Variants in PDLIM7 observed in about 807,000 individuals in gnomAD.
PDLIM7 encodes the protein PDZ and LIM domain 7.
Under a neutral mutation model 53.9 loss-of-function variants are expected in PDLIM7, and 37 were observed. That is an observed-to-expected ratio of 0.69 (90% CI 0.53 to 0.90). PDLIM7 has a LOEUF of 0.90. Among genes scored for constraint, PDLIM7 ranks in the 40% least tolerant of loss-of-function variants. The pLI, the probability that PDLIM7 is intolerant of heterozygous loss-of-function variation, is 0.00. For missense variants in PDLIM7, 617 were observed against 638.5 expected (o/e 0.97, Z 0.36); for synonymous variants, 300 against 261.3 (o/e 1.15, Z -1.43).
At chr5:177,484,220 C>T in intron 10 of PDLIM7, 30 bp from the exon 11 acceptor site, 1 of 1,608,980 alleles carries the variant, frequency 6.2e-7, no homozygotes, top group Non-Finnish European at 8.5e-7. Flanking sequence ...ACTCGGCAGG[C>T]TCAGGCCCCT....
chr5:177,489,719 T>A (rs1758648339), intron 8 of PDLIM7, 52 bp downstream of exon 8: 1 of 1,485,878 alleles, frequency 6.7e-7, no homozygotes, highest in African/African-American at 1.4e-5. Context: ...ACCACCCCCA[T>A]GCCCCTGGAG....
rs1758881524 is a variant in PDLIM7 at position 177,492,931 on chromosome 5, C to G, written c.97-254G>C. 7.8e-6 allele frequency: 4 copies of G among 511,922 alleles called. No homozygotes were observed. The East Asian group carries it at 1.3e-4, about 16-fold the overall frequency. The allele number at this position is 511,922 out of a possible 1,614,324, so 31.7% of individuals were successfully genotyped here. ...ACCCTCTCCCTCAGGTGGTGCTCAC[C>G]TGAGCTTCCCCAGTCACGATGCTTA... On this transcript the variant is annotated intron_variant, in intron 2 of 12. Transcript: ENST00000355841.
At chr5:177,490,076 G>T in intron 7 of PDLIM7, 1 of 1,530,710 alleles carries the variant, frequency 6.5e-7, no homozygotes, top group South Asian at 1.2e-5. Context: ...AGCTCCTGGG[G>T]TTCCCCTCAT....
At chr5:177,485,624 T>A (rs1381201703) in intron 10 of PDLIM7, among the ~76,000 whole-genome samples, 1 of 152,106 alleles carries the variant, frequency 6.6e-6, no homozygotes, top group Non-Finnish European at 1.5e-5. Context: ...GAGGACCTCT[T>A]CTTCTGGGAG....
chr5:177,494,282 C>G (rs1014534670), intron 2 of PDLIM7, among the ~76,000 whole-genome samples: 4 of 152,206 alleles, frequency 2.6e-5, no homozygotes, highest in Non-Finnish European at 4.4e-5. Flanking sequence ...CACTGTGGGC[C>G]ACCTCTGCTG....
rs1354754433 is a variant in PDLIM7, at chr5:177,491,291, G to A, written c.399-145C>T. The A allele has an allele frequency of 6.2e-6, 9 of 1,444,282 alleles. No individual in the cohort carries two copies. In the South Asian group the frequency reaches 1.1e-4, roughly 18 times the overall value. 89.5% of individuals were successfully genotyped at this position (1,444,282 alleles called of 1,614,324 possible). A position where few individuals can be genotyped will look rare whatever the true frequency, so the allele number is the denominator to read the frequency against. The stretch of plus-strand genomic sequence containing the variant: ...GGCCAGGAGCCCTGCTGGGCGGGTA[G>A]GTGAGAGGACAGGAGGGCGAAGTGG... On this transcript the variant is annotated intron_variant, in intron 5 of 12. Coordinates refer to ENST00000355841, the MANE Select transcript of PDLIM7 (RefSeq NM_005451.5).
At chr5:177,494,456 G>A (rs1758963293) in intron 2 of PDLIM7, among the ~76,000 whole-genome samples, 1 of 151,746 alleles carries the variant, frequency 6.6e-6, no homozygotes, top group Non-Finnish European at 1.5e-5. Flanking sequence ...CAGTAGAAGG[G>A]AAACCTGGCC....
chr5:177,483,961 G>A lies in PDLIM7; in HGVS notation c.1193C>T (p.Thr398Met), dbSNP rs550156356. 3.5e-5 allele frequency: 56 copies of A among 1,613,908 alleles called. No individual in the cohort carries two copies. The highest frequency in any genetic ancestry group is 2.7e-4 in the South Asian group (25 of 91,080). ...CERDYEKMFG[T>M]KCHGCDFKID... ...CTTGAAGTCACAGCCATGGCATTTC[G>A]TGCCAAACATCTTCTCATAGTCTGA... Residue 398 changes from threonine to methionine, a missense_variant, in exon 12 of 13, where the codon ACG becomes ATG. Transcript: ENST00000355841.
At chr5:177,494,144 G>A (rs1758945300) in intron 2 of PDLIM7, among the ~76,000 whole-genome samples, 1 of 152,222 alleles carries the variant, frequency 6.6e-6, no homozygotes, top group South Asian at 2.1e-4. Context: ...CAACAACCTT[G>A]TGGAGTAATC....
At chr5:177,493,229 G>A (rs73349172) in intron 2 of PDLIM7, among the ~76,000 whole-genome samples, 1 of 152,204 alleles carries the variant, frequency 6.6e-6, no homozygotes, top group Non-Finnish European at 1.5e-5. Context: ...GGGACCCTTT[G>A]AGAGCCAGGA....
chr5:177,490,575 C>T, intron 7 of PDLIM7: 1 of 1,557,604 alleles, frequency 6.4e-7, no homozygotes, highest in Non-Finnish European at 8.7e-7. Flanking sequence ...GGCTCTGCAG[C>T]TCCAGGACAT....
chr5:177,492,280 C>T (rs1449519757), intron 4 of PDLIM7, 125 bp downstream of exon 4: 27 of 1,273,932 alleles, frequency 2.1e-5, no homozygotes, highest in Non-Finnish European at 2.8e-5. Context: ...CCCGCCTTAG[C>T]TCCGGTTTCT....
At position 177,489,796 on chromosome 5, in the gene PDLIM7, TG is replaced by T; in HGVS notation, c.608del (p.Ser203TyrfsTer41). On this transcript the variant is annotated frameshift_variant, in exon 8 of 13. Transcript: ENST00000355841. LOFTEE classifies it high-confidence loss of function. ...CAGGCCAGGGCTCCTGGGGTGTAGATGAGGCTGGGGCTGGGGCTTCTGTCCT... is the reference window on the plus strand; with the variant it reads ...CAGGCCAGGGCTCCTGGGGTGTAGATAGGCTGGGGCTGGGGCTTCTGTCCT... ...VPRTEAPAPA[S>X]STPQEPWPGP... The T allele has an allele frequency of 3.2e-6, 5 of 1,583,094 alleles. No homozygotes were observed. Among genetic ancestry groups the T allele is most frequent in the African/African-American group, 1.3e-5 (1 of 74,566 alleles).
chr5:177,492,655 G>T lies in PDLIM7; in HGVS notation c.119C>A (p.Ala40Glu). ...ISRLTPGGKA[A>E]QAGVAVGDWV... is the part of the protein sequence containing the mutation. ...GTCACCCACGGCCACTCCGGCCTGC[G>T]CCGCTTTGCCCCCAGGAGTGAGCTG... The change falls in exon 3 of 13, where the codon GCG becomes GAG. Residue 40 changes from alanine (A) to glutamate (E), a missense_variant. Physicochemically the swap from Ala to Glu is moderately radical, Grantham distance 107 (BLOSUM62 -1). Transcript: ENST00000355841. The T allele has an allele frequency of 1.2e-6, 2 of 1,606,374 alleles. No individual in the cohort carries two copies.
chr5:177,494,274 C>T (rs1321742409), intron 2 of PDLIM7, among the ~76,000 whole-genome samples: 2 of 152,224 alleles, frequency 1.3e-5, no homozygotes, highest in African/African-American at 4.8e-5. Context: ...GGCTCCACCA[C>T]TGTGGGCCAC....
At chr5:177,493,854 G>A (rs1043399696) in intron 2 of PDLIM7, among the ~76,000 whole-genome samples, 1 of 152,180 alleles carries the variant, frequency 6.6e-6, no homozygotes, top group African/African-American at 2.4e-5. Context: ...GCTGCCAGTG[G>A]CCCCAGGAGG....
intron 9 of PDLIM7, among the ~76,000 whole-genome samples, chr5:177,489,166 C>T (rs907865685): frequency 1.3e-5 from 2 of 152,224 alleles, no homozygotes; most frequent in Non-Finnish European, 2.9e-5. Context: ...GTTGGCCCTT[C>T]GGCTATTTCG....
chr5:177,490,706 GAGGAAGGGAAGGAAGGAAGGAAGGA>G, intron 7 of PDLIM7, 139 bp downstream of exon 7: 1 of 903,042 alleles, frequency 1.1e-6, no homozygotes, highest in Non-Finnish European at 1.7e-6. Flanking sequence ...AGGAAGGAAG[GAGGAAGGGAAGGAAGGAAGGAAGGA>G]AGGAAGGAAG....
At chr5:177,496,707 A>G in intron 1 of PDLIM7, 184 bp from the exon 2 acceptor site, 1 of 427,436 alleles carries the variant, frequency 2.3e-6, no homozygotes, top group South Asian at 4.0e-5. Context: ...GGCGGACCTC[A>G]CTTTGGAAAG....
Sources: gnomAD v4.1 joint callset for allele counts (sites outside exome capture counted in the v4.1 genomes callset) on GRCh38, gnomAD v4.1.1 for gene constraint, MANE v1.5 for transcripts, NCBI Gene and HGNC (gene_info 2026-07-23, HGNC 2026-07-21) for gene names.